The following PHAF1 variants were observed in gnomAD, a reference collection of about 807,000 sequenced individuals.
The protein encoded by PHAF1 is phagosome assembly factor 1.
Under a neutral mutation model 63.1 loss-of-function variants are expected in PHAF1, and 23 were observed. The observed-to-expected ratio is 0.36, with a 90% CI of 0.26 to 0.52. PHAF1 has a LOEUF of 0.52. PHAF1 is among the 20% of genes least tolerant of loss of function. The pLI is 0.93. For synonymous variants in PHAF1, 167 were observed against 185.0 expected, an observed-to-expected ratio of 0.90 and a Z score of 0.79; for missense variants, 427 against 517.2, an observed-to-expected ratio of 0.83 and a Z score of 1.69.
In PHAF1 at chr16:67,134,377, T is replaced by A; in HGVS notation, c.571T>A (p.Cys191Ser). 1 of 1,614,064 alleles carries A rather than the reference T, an allele frequency of 6.2e-7. No homozygotes were observed. Among genetic ancestry groups the A allele is most frequent in the Non-Finnish European group, 8.5e-7 (1 of 1,179,922 alleles). The part of the protein sequence containing the change: ...DTKAPMMPLS[C>S]FLGNVYAESV... The stretch of plus-strand genomic sequence containing the variant: ...CAGGGCTCCCATGATGCCTCTGAGC[T>A]GTTTCCTGGGCAATGTCTATGCTGA... The change falls in exon 8 of 16, where the codon TGT (cysteine) becomes AGT (serine). Residue 191 changes from cysteine to serine, a missense_variant. Cys to Ser is a moderately radical substitution (Grantham distance 112, BLOSUM62 -1). Transcript: ENST00000219139.
At chr16:67,146,477 C>A in intron 15 of PHAF1, 127 bp downstream of exon 15, 1 of 981,484 alleles carries the variant, frequency 1.0e-6, no homozygotes, top group Non-Finnish European at 1.6e-6. Flanking sequence ...CCTTCTTCAG[C>A]AACCGTGTCT....
rs957734970 is a variant in PHAF1, at chr16:67,115,620, C to T, written c.65-4492C>T. Among the ~76,000 whole-genome samples, 8 of 152,156 alleles carry T rather than the reference C, an allele frequency of 5.3e-5. No homozygotes were observed. In the South Asian group the frequency reaches 6.2e-4, roughly 12 times the overall value. On this transcript the variant is annotated intron_variant, in intron 1 of 15. Coordinates refer to ENST00000219139, the MANE Select transcript of PHAF1 (RefSeq NM_025187.5). ...GAGATCTGTGAGACAAAGATTTGTG[C>T]GGTTTAGAAGGCTGACCATTCTGTT...
chr16:67,139,169 C>T (rs1261587185), intron 8 of PHAF1, among the ~76,000 whole-genome samples: 1 of 151,810 alleles, frequency 6.6e-6, no homozygotes, highest in Non-Finnish European at 1.5e-5. Flanking sequence ...CAGTTCACCC[C>T]GCTTGGCCTC....
chr16:67,135,075 T>G (rs934727425), intron 8 of PHAF1: 2 of 189,734 alleles, frequency 1.1e-5, no homozygotes, highest in Non-Finnish European at 2.2e-5. Flanking sequence ...TATAGCTTTG[T>G]GACAGTTCCC....
chr16:67,126,732 G>T (rs1963209160), intron 3 of PHAF1, among the ~76,000 whole-genome samples: 2 of 151,568 alleles, frequency 1.3e-5, no homozygotes, highest in African/African-American at 4.9e-5. Flanking sequence ...GGGACTACAG[G>T]TGCACGCCAC....
chr16:67,119,966 G>A, intron 1 of PHAF1, 146 bp from the exon 2 acceptor site: 1 of 610,972 alleles, frequency 1.6e-6, no homozygotes, highest in Non-Finnish European at 2.9e-6. Context: ...ACTGCTTATT[G>A]AACTCTTATT....
intron 3 of PHAF1, among the ~76,000 whole-genome samples, 165 bp downstream of exon 3, chr16:67,126,207 T>G (rs1210470758): frequency 6.6e-6 from 1 of 152,046 alleles, no homozygotes; most frequent in African/African-American, 2.4e-5. Context: ...CCTGTTCCCC[T>G]AAAAAGAGGG....
rs778233814 is a variant in PHAF1 at position 67,145,381 on chromosome 16, G to A, written c.1012G>A (p.Ala338Thr). ...CCACTGTCTTCTCTTTTCAGAAAAC[G>A]CAGATGGTCAGACAGAAACATGCAC... Reference protein sequence around the residue: ...KIPLAIKKENADGQTETCTTY... With the variant: ...KIPLAIKKENTDGQTETCTTY... Residue 338 changes from alanine (A) to threonine (T), a missense_variant, in exon 13 of 16, where the codon GCA (alanine) becomes ACA (threonine). Physicochemically the swap from Ala to Thr is moderately conservative, Grantham distance 58. Transcript: ENST00000219139. The A allele has an allele frequency of 1.1e-5, 18 of 1,614,116 alleles. No individual in the cohort carries two copies. The highest frequency in any genetic ancestry group is 5.5e-5 in the South Asian group (5 of 91,086).
chr16:67,127,592 C>T (rs372831954), intron 3 of PHAF1, among the ~76,000 whole-genome samples: 14 of 152,020 alleles, frequency 9.2e-5, no homozygotes, highest in African/African-American at 3.4e-4. Context: ...GTCAGGAGAT[C>T]GAGACCATCC....
intron 3 of PHAF1, among the ~76,000 whole-genome samples, chr16:67,130,436 A>G (rs1239053249): frequency 1.5e-5 from 2 of 137,438 alleles, no homozygotes; most frequent in Non-Finnish European, 1.5e-5. Flanking sequence ...GCTACCTCCA[A>G]CTCCTGGGTT....
chr16:67,126,192 C>A, intron 3 of PHAF1, 150 bp downstream of exon 3: 1 of 619,192 alleles, frequency 1.6e-6, no homozygotes, highest in Admixed American at 2.9e-5. Flanking sequence ...GGAACTGAAG[C>A]TGTGCCTGTT....
chr16:67,115,743 C>T (rs1406163656), intron 1 of PHAF1, among the ~76,000 whole-genome samples: 1 of 152,168 alleles, frequency 6.6e-6, no homozygotes, highest in African/African-American at 2.4e-5. Context: ...GTGTGATGAC[C>T]AGTCACCATG....
chr16:67,114,260 G>A, intron 1 of PHAF1, among the ~76,000 whole-genome samples: 1 of 151,816 alleles, frequency 6.6e-6, no homozygotes, highest in East Asian at 1.9e-4. Flanking sequence ...GGAGGCTGAG[G>A]TGAGGGGATC....
At chr16:67,132,375 A>G (rs1963437775) in intron 4 of PHAF1, 71 bp from the exon 5 acceptor site, 2 of 1,311,970 alleles carry the variant, frequency 1.5e-6, no homozygotes, top group Admixed American at 2.2e-5. Context: ...TAACTCTCCC[A>G]GCTACTATCT....
At chr16:67,113,825 T>A (rs918051333) in intron 1 of PHAF1, among the ~76,000 whole-genome samples, 2 of 150,796 alleles carry the variant, frequency 1.3e-5, no homozygotes, top group Non-Finnish European at 2.9e-5. Context: ...CTTGGCTCAC[T>A]GCAACTTCTG....
intron 3 of PHAF1, among the ~76,000 whole-genome samples, chr16:67,128,863 C>G (rs1038238538): frequency 2.0e-5 from 3 of 152,216 alleles, no homozygotes; most frequent in Admixed American, 6.5e-5. Flanking sequence ...ATTGATCAGG[C>G]AGGGTCGAAG....
Position 67,148,094 on chromosome 16 carries a change from GAA to G in PHAF1, c.*967_*968del, listed in dbSNP as rs1316549160. ...TAATCCTTTTGAAAAGAACTGAGAAGAAAAATGTATAATTTTATCCCATTTTT... is the reference window on the plus strand; with the variant it reads ...TAATCCTTTTGAAAAGAACTGAGAAGAAATGTATAATTTTATCCCATTTTT... On this transcript the variant is annotated 3_prime_UTR_variant, in exon 16 of 16. Coordinates refer to ENST00000219139, the MANE Select transcript of PHAF1 (RefSeq NM_025187.5). 6.6e-6 allele frequency: 1 copy of G among 152,630 alleles called. No individual in the cohort carries two copies. Among genetic ancestry groups the G allele is most frequent in the African/African-American group, 2.4e-5 (1 of 41,440 alleles). 9.5% of individuals were successfully genotyped at this position (152,630 alleles called of 1,614,324 possible). A position where few individuals can be genotyped will look rare whatever the true frequency, so the allele number is the denominator to read the frequency against.
chr16:67,124,636 C>A (rs556740931), intron 2 of PHAF1, among the ~76,000 whole-genome samples: 4 of 152,310 alleles, frequency 2.6e-5, no homozygotes, highest in African/African-American at 2.4e-5. Flanking sequence ...GTAATCCCAC[C>A]ACTTTGGGAG....
chr16:67,144,650 A>G (rs16957204), intron 11 of PHAF1, among the ~76,000 whole-genome samples, 184 bp from the exon 12 acceptor site: 11,808 of 152,240 alleles, frequency 0.078, 1,410 homozygotes, highest in African/African-American at 0.26. Flanking sequence ...CCCAGGGCCA[A>G]GATCTTTTCT....
Sources: gnomAD v4.1 joint callset for allele counts (sites outside exome capture counted in the v4.1 genomes callset) on GRCh38, gnomAD v4.1.1 for gene constraint, MANE v1.5 for transcripts, NCBI Gene and HGNC (gene_info 2026-07-23, HGNC 2026-07-21) for gene names.